The following ATRX variants were observed in gnomAD, a reference collection of about 807,000 sequenced individuals.
ATRX encodes chromatin remodeler ATRX.
ATRX carries 12 observed loss-of-function variants against 172.6 expected under a neutral mutation model. The ratio of observed to expected loss-of-function variants is 0.07; its 90% CI spans 0.04 to 0.11. The LOEUF (loss-of-function observed/expected upper bound fraction) is 0.11, where lower values mean the gene tolerates loss of function less well. ATRX is among the 10% of genes least tolerant of loss of function. ATRX has a pLI of 1.00. For missense variants in ATRX, 1,368 were observed against 1,767.4 expected (o/e 0.77, Z 4.05); for synonymous variants, 674 against 594.7 (o/e 1.13, Z -1.94).
chrX:77,663,304 C>T (rs2148485855), intron 12 of ATRX, 78 bp downstream of exon 12: 1 of 1,137,975 alleles, frequency 8.8e-7, no homozygotes, highest in Non-Finnish European at 1.2e-6. Context: ...ACCTCAGCTT[C>T]CCAAAGTGCT....
At position 77,683,650 on chromosome X, in the gene ATRX, T is replaced by C. The variant is rs781865069; in HGVS notation, c.1606A>G (p.Met536Val). 4.0e-5 allele frequency: 48 copies of C among 1,209,697 alleles called. No homozygotes were observed. Among genetic ancestry groups the C allele is most frequent in the African/African-American group, 1.9e-4 (11 of 57,250 alleles). Reference sequence around the variant, plus strand: ...TGATCAACTGAACTCTGAACTTCCATAGCAGTCTCAAGATTCTCAAAAATG... The same window carrying C: ...TGATCAACTGAACTCTGAACTTCCACAGCAGTCTCAAGATTCTCAAAAATG... ...EDIFENLETAMEVQSSVDHQG... is the reference protein window; with the variant it reads ...EDIFENLETAVEVQSSVDHQG... Residue 536 changes from methionine to valine, a missense_variant, in exon 9 of 35, where the codon ATG becomes GTG. Physicochemically the swap from Met to Val is conservative, Grantham distance 21. Transcript: ENST00000373344.
chrX:77,726,828 TAA>T (rs372578584), intron 1 of ATRX, among the ~76,000 whole-genome samples: 3 of 99,345 alleles, frequency 3.0e-5, no homozygotes, highest in Admixed American at 1.1e-4. Context: ...TAATGTCACT[TAA>T]AAAAAAAAAA....
chrX:77,700,223 C>A (rs961998911), intron 2 of ATRX, among the ~76,000 whole-genome samples: 1 of 111,526 alleles, frequency 9.0e-6, no homozygotes, highest in African/African-American at 3.3e-5. Flanking sequence ...GATATACAGA[C>A]GCAAATAAGC....
chrX:77,735,773 G>C (rs2074529337), intron 1 of ATRX, among the ~76,000 whole-genome samples: 1 of 95,360 alleles, frequency 1.0e-5, no homozygotes, highest in Non-Finnish European at 2.1e-5. Flanking sequence ...CTGCACTCCA[G>C]CCTGGGTGAC....
At chrX:77,694,685 A>G (rs1456453636) in intron 5 of ATRX, among the ~76,000 whole-genome samples, 1 of 110,401 alleles carries the variant, frequency 9.1e-6, no homozygotes, top group Non-Finnish European at 1.9e-5. Context: ...TTCTCTCAAG[A>G]GCAAATAAGA....
At position 77,537,321 on chromosome X, in the gene ATRX, G is replaced by T. The variant is rs181697434; in HGVS notation, c.6700-13920C>A. 1.6e-3 allele frequency among the ~76,000 whole-genome samples: 181 copies of T among 111,506 alleles called. 2 individuals carry two copies. The highest frequency in any genetic ancestry group is 5.5e-3 in the African/African-American group (170 of 30,701). On this transcript the variant is annotated intron_variant, in intron 30 of 34. Coordinates refer to ENST00000373344, the MANE Select transcript of ATRX (RefSeq NM_000489.6). ...TGAGTACAGTGCCTGGTTTACCAAT[G>T]ACCTTTGTGTCACTAAATCTAATTG...
intron 30 of ATRX, among the ~76,000 whole-genome samples, chrX:77,548,540 A>G (rs782055351): frequency 8.9e-6 from 1 of 112,189 alleles, no homozygotes; most frequent in East Asian, 2.8e-4. Context: ...TTCATACCCC[A>G]TAGGCTACTA....
At chrX:77,693,646 A>T (rs1481526518) in intron 6 of ATRX, among the ~76,000 whole-genome samples, 178 bp downstream of exon 6, 2 of 112,126 alleles carry the variant, frequency 1.8e-5, no homozygotes, top group Non-Finnish European at 3.8e-5. Flanking sequence ...GTGTTTCGAT[A>T]AATGGTGCTT....
chrX:77,536,145 G>A (rs2063743947), intron 30 of ATRX, among the ~76,000 whole-genome samples: 1 of 110,408 alleles, frequency 9.1e-6, no homozygotes, highest in South Asian at 3.9e-4. Context: ...GAACCCCTGA[G>A]CTCAAACAAT....
intron 2 of ATRX, among the ~76,000 whole-genome samples, chrX:77,711,652 T>C (rs1314453587): frequency 8.9e-6 from 1 of 111,796 alleles, no homozygotes; most frequent in Non-Finnish European, 1.9e-5. Context: ...CTGGCCAACA[T>C]GGTGAAACAC....
At chrX:77,585,961 A>G (rs1326838351) in intron 27 of ATRX, among the ~76,000 whole-genome samples, 3 of 111,422 alleles carry the variant, frequency 2.7e-5, no homozygotes, top group African/African-American at 9.8e-5. Flanking sequence ...ATGGAGATAC[A>G]GAGTAGAAGG....
At chrX:77,549,496 C>G (rs2064383663) in intron 30 of ATRX, among the ~76,000 whole-genome samples, 1 of 112,371 alleles carries the variant, frequency 8.9e-6, no homozygotes, top group Non-Finnish European at 1.9e-5. Flanking sequence ...TAAATGTTAA[C>G]AGGTTAGCTA....
chrX:77,698,004 G>A lies in ATRX; in HGVS notation c.190-369C>T, dbSNP rs782788946. Among the ~76,000 whole-genome samples the A allele has an allele frequency of 1.8e-3, 201 of 111,401 alleles. 2 individuals are homozygous for A. Among genetic ancestry groups the A allele is most frequent in the African/African-American group, 5.9e-3 (182 of 30,710 alleles). On this transcript the variant is annotated intron_variant, in intron 3 of 34. Transcript: ENST00000373344. The stretch of plus-strand genomic sequence containing the variant: ...GTAATCAGATCTCAAGAGAAGTAGG[G>A]AGTTTCAAGGATCTAAATATGTTTC...
intron 28 of ATRX, among the ~76,000 whole-genome samples, chrX:77,563,964 C>T (rs969712006): frequency 3.6e-5 from 4 of 110,403 alleles, no homozygotes; most frequent in African/African-American, 6.6e-5. Context: ...TCCAAGGGCT[C>T]GATAAGATGG....
At chrX:77,600,236 G>GT (rs1388483591) in intron 23 of ATRX, among the ~76,000 whole-genome samples, 198 bp downstream of exon 23, 3 of 111,606 alleles carry the variant, frequency 2.7e-5, no homozygotes, top group Admixed American at 1.9e-4. Flanking sequence ...AAAATAAAAA[G>GT]TTTTTTAAAA....
intron 22 of ATRX, among the ~76,000 whole-genome samples, chrX:77,602,378 C>A (rs1557087674): frequency 9.1e-6 from 1 of 109,793 alleles, no homozygotes; most frequent in Non-Finnish European, 1.9e-5. Flanking sequence ...TTATGTTAAT[C>A]TTTTCAAAGA....
At position 77,521,241 on chromosome X, in the gene ATRX, A is replaced by G; in HGVS notation, c.7071+162T>C. ...TCTCTCTTGTGCCAACATCTATGTA[A>G]AATTGCTGGGTTACGGTTTGGCATT... On this transcript the variant is annotated intron_variant, in intron 33 of 34. Transcript: ENST00000373344. 8.5e-6 allele frequency: 4 copies of G among 473,315 alleles called. No individual in the cohort carries two copies. In the Admixed American group the frequency reaches 1.3e-4, roughly 16 times the overall value. The allele number at this position is 473,315 out of a possible 1,213,427, so 39.0% of individuals were successfully genotyped here.
intron 1 of ATRX, among the ~76,000 whole-genome samples, chrX:77,767,275 G>A (rs1470235742): frequency 1.8e-5 from 2 of 108,711 alleles, no homozygotes; most frequent in African/African-American, 6.7e-5. Context: ...GGGAGAGGGG[G>A]AGAGGGGGAG....
At position 77,683,955 on chromosome X, in the gene ATRX, A is replaced by G. The variant is rs1557141943; in HGVS notation, c.1301T>C (p.Val434Ala). 8.3e-7 allele frequency: 1 copy of G among 1,209,629 alleles called. No individual in the cohort carries two copies. The highest frequency in any genetic ancestry group is 2.2e-5 in the Admixed American group (1 of 45,972). The part of the protein sequence containing the change: ...NKEKNTKEHK[V>A]IDAKFETKAR... ...TTTTGTTTCAAACTTAGCATCTATGACTTTATGCTCTTTGGTATTTTTCTC... is the reference window on the plus strand; with the variant it reads ...TTTTGTTTCAAACTTAGCATCTATGGCTTTATGCTCTTTGGTATTTTTCTC... The change falls in exon 9 of 35, where the codon GTC becomes GCC. Residue 434 changes from valine to alanine, a missense_variant. Coordinates refer to ENST00000373344, the MANE Select transcript of ATRX (RefSeq NM_000489.6).
Sources: allele counts gnomAD v4.1 joint callset (sites outside exome capture counted in the v4.1 genomes callset), GRCh38; gene constraint gnomAD v4.1.1; transcripts MANE v1.5; gene names NCBI Gene and HGNC (gene_info 2026-07-23, HGNC 2026-07-21).